Variants in WDR3 observed in about 807,000 individuals in gnomAD.
WDR3 encodes the protein WD repeat-containing protein 3.
In WDR3, 81 loss-of-function variants were observed where a neutral mutation model predicts 123.7. The observed-to-expected ratio is 0.65, with a 90% CI of 0.55 to 0.79. The LOEUF is 0.79. Among genes scored for constraint, WDR3 ranks in the 30% least tolerant of loss-of-function variants. WDR3 has a pLI of 0.00. For missense variants in WDR3, 1,027 were observed against 1,123.2 expected, an observed-to-expected ratio of 0.91 and a Z score of 1.22; for synonymous variants, 390 against 388.8, an observed-to-expected ratio of 1.00 and a Z score of -0.04.
chr1:117,958,438 A>G (rs1652536195), intron 25 of WDR3, among the ~76,000 whole-genome samples: 1 of 152,198 alleles, frequency 6.6e-6, no homozygotes. Context: ...TCAGAGGCTT[A>G]TGGATGGGTA....
chr1:117,935,906 A>G (rs564941423), intron 3 of WDR3, among the ~76,000 whole-genome samples: 4 of 152,020 alleles, frequency 2.6e-5, no homozygotes, highest in Non-Finnish European at 4.4e-5. Context: ...TCATTCATCT[A>G]TTAATAACTT....
intron 1 of WDR3, 38 bp from the exon 2 acceptor site, chr1:117,933,250 C>A: frequency 1.3e-6 from 2 of 1,561,088 alleles, no homozygotes; most frequent in South Asian, 1.2e-5. Context: ...AGAACCAAGG[C>A]ACCCAAGGAG....
rs2101382474 is a variant in WDR3, at chr1:117,962,457, T to C, written c.*3010T>C. Reference sequence around the variant, plus strand: ...AAGTAAGTTACCTATAGAAATTCTGTAGTACCATAAAGAAAAGCCTTTTGA... The same window carrying C: ...AAGTAAGTTACCTATAGAAATTCTGCAGTACCATAAAGAAAAGCCTTTTGA... On this transcript the variant is annotated 3_prime_UTR_variant, in exon 27 of 27. Coordinates refer to ENST00000349139, the MANE Select transcript of WDR3 (RefSeq NM_006784.3). 1 of 151,850 alleles carries C rather than the reference T, an allele frequency of 6.6e-6. No homozygotes were observed. Among genetic ancestry groups the C allele is most frequent in the South Asian group, 2.1e-4 (1 of 4,810 alleles). 9.4% of individuals were successfully genotyped at this position (151,850 alleles called of 1,614,324 possible).
intron 8 of WDR3, among the ~76,000 whole-genome samples, 193 bp from the exon 9 acceptor site, chr1:117,941,557 C>T (rs933824208): frequency 6.6e-6 from 1 of 152,120 alleles, no homozygotes; most frequent in African/African-American, 2.4e-5. Flanking sequence ...GTTCAGCCTT[C>T]AGAGCAATGC....
chr1:117,941,045 C>T, intron 7 of WDR3, 79 bp from the exon 8 acceptor site: 1 of 1,583,368 alleles, frequency 6.3e-7, no homozygotes, highest in African/African-American at 1.4e-5. Context: ...TTGTCACTTG[C>T]ACTTATTAGA....
rs1653704407 is a variant in WDR3 at position 117,965,415 on chromosome 1, T to C, written c.*5968T>C. 6.6e-6 allele frequency: 1 copy of C among 152,224 alleles called. No homozygotes were observed. Among genetic ancestry groups the C allele is most frequent in the Admixed American group, 6.5e-5 (1 of 15,280 alleles). The allele number at this position is 152,224 out of a possible 1,614,324, so 9.4% of individuals were successfully genotyped here. Reference sequence around the variant, plus strand: ...GTAAACGATGCTTAAAATTATTATATCTCCAATTCTGACTTCTCAGTTGAG... The same window carrying C: ...GTAAACGATGCTTAAAATTATTATACCTCCAATTCTGACTTCTCAGTTGAG... On this transcript the variant is annotated 3_prime_UTR_variant, in exon 27 of 27. Transcript: ENST00000349139.
At position 117,963,763 on chromosome 1, in the gene WDR3, C is replaced by A; in HGVS notation, c.*4316C>A. On this transcript the variant is annotated 3_prime_UTR_variant, in exon 27 of 27. Transcript: ENST00000349139. ...GGGTCTAATACCTCAAATTTGAATG[C>A]TTGACAATCAAATTCCCATTTATTA... is the stretch of plus-strand genomic sequence containing the variant. 1 of 1,579,094 alleles carries A rather than the reference C, an allele frequency of 6.3e-7. No homozygotes were observed. The highest frequency in any genetic ancestry group is 1.1e-5 in the South Asian group (1 of 87,528).
chr1:117,944,425 A>G (rs1651296098), intron 11 of WDR3, among the ~76,000 whole-genome samples: 1 of 152,190 alleles, frequency 6.6e-6, no homozygotes, highest in Non-Finnish European at 1.5e-5. Context: ...CACTTTATGT[A>G]ATCTGTCATG....
At chr1:117,940,205 A>G (rs1651093299) in intron 6 of WDR3, among the ~76,000 whole-genome samples, 1 of 152,212 alleles carries the variant, frequency 6.6e-6, no homozygotes, top group Non-Finnish European at 1.5e-5. Context: ...AAGTTAGTGA[A>G]GAGTGGGGTC....
intron 10 of WDR3, among the ~76,000 whole-genome samples, chr1:117,943,191 G>T (rs1230203266): frequency 1.3e-5 from 2 of 152,140 alleles, no homozygotes; most frequent in Non-Finnish European, 2.9e-5. Flanking sequence ...GACCTCAAGT[G>T]ATCCACCCGC....
chr1:117,963,644 G>C lies in WDR3; in HGVS notation c.*4197G>C, dbSNP rs1653412850. ...CTCCCAAAGTGCTGGGATTACAGGT[G>C]TGAGCCACCGGGCCCGGCCTAAACA... On this transcript the variant is annotated 3_prime_UTR_variant, in exon 27 of 27. Coordinates refer to ENST00000349139, the MANE Select transcript of WDR3 (RefSeq NM_006784.3). 1 of 602,832 alleles carries C rather than the reference G, an allele frequency of 1.7e-6. No homozygotes were observed. The highest frequency in any genetic ancestry group is 1.9e-5 in the African/African-American group (1 of 54,014). 37.3% of individuals were successfully genotyped at this position (602,832 alleles called of 1,614,324 possible).
chr1:117,948,073 A>G (rs1186613708), intron 12 of WDR3, among the ~76,000 whole-genome samples: 1 of 152,084 alleles, frequency 6.6e-6, no homozygotes, highest in Admixed American at 6.5e-5. Flanking sequence ...TGCATTTGCT[A>G]TTTTGTTTAT....
intron 3 of WDR3, among the ~76,000 whole-genome samples, chr1:117,935,385 CAG>C (rs1430111494): frequency 6.6e-6 from 1 of 151,834 alleles, no homozygotes; most frequent in Non-Finnish European, 1.5e-5. Flanking sequence ...AATAATAAAA[CAG>C]GGGTTTTAGA....
At chr1:117,956,008 G>T (rs1652146457) in intron 24 of WDR3, among the ~76,000 whole-genome samples, 1 of 152,072 alleles carries the variant, frequency 6.6e-6, no homozygotes, top group African/African-American at 2.4e-5. Flanking sequence ...CTGATTTTTA[G>T]CAGGCTTTAA....
chr1:117,959,455 A>G lies in WDR3; in HGVS notation c.*8A>G, dbSNP rs1571051315. ...ATTCTAACGTTGACTTAGAACTGAA[A>G]TGTGGTATCTTTTTTTTTTTCAACT... On this transcript the variant is annotated 3_prime_UTR_variant, in exon 27 of 27. Transcript: ENST00000349139. 5.0e-6 allele frequency: 8 copies of G among 1,588,156 alleles called. No individual in the cohort carries two copies. The African/African-American group carries it at 5.4e-5, about 11-fold the overall frequency.
chr1:117,953,808 C>T (rs1313910125), intron 21 of WDR3, 199 bp from the exon 22 acceptor site: 1 of 604,806 alleles, frequency 1.7e-6, no homozygotes, highest in African/African-American at 1.9e-5. Context: ...GTCCATGACA[C>T]TCAGTCTCTT....
At position 117,964,104 on chromosome 1, in the gene WDR3, G is replaced by T; in HGVS notation, c.*4657G>T. On this transcript the variant is annotated 3_prime_UTR_variant, in exon 27 of 27. Transcript: ENST00000349139. ...TGCATGCTCAGGCTTGGGGGTTAGA[G>T]GATGGATATGCCAATGTCTAGAATG... The T allele has an allele frequency of 1.6e-6, 1 of 641,066 alleles. No homozygotes were observed. Among genetic ancestry groups the T allele is most frequent in the Non-Finnish European group, 2.6e-6 (1 of 382,656 alleles). 39.7% of individuals were successfully genotyped at this position (641,066 alleles called of 1,614,324 possible).
At chr1:117,952,748 A>G in intron 19 of WDR3, 86 bp downstream of exon 19, 2 of 1,527,484 alleles carry the variant, frequency 1.3e-6, no homozygotes, top group East Asian at 4.5e-5. Context: ...GTGCAGTTAC[A>G]CCTGATGCAT....
intron 12 of WDR3, among the ~76,000 whole-genome samples, chr1:117,947,304 G>T (rs1308975992): frequency 1.3e-5 from 2 of 152,170 alleles, no homozygotes; most frequent in African/African-American, 2.4e-5. Context: ...TTTGAAAAGT[G>T]CTTTGCAAGT....
Sources: gnomAD v4.1 joint callset for allele counts (sites outside exome capture counted in the v4.1 genomes callset) on GRCh38, gnomAD v4.1.1 for gene constraint, MANE v1.5 for transcripts, NCBI Gene and HGNC (gene_info 2026-07-23, HGNC 2026-07-21) for gene names.